The following CLDN16 variants were observed in gnomAD, a reference collection of about 807,000 sequenced individuals.
The protein encoded by CLDN16 is claudin-16.
A neutral mutation model predicts 24.6 loss-of-function variants in CLDN16; 13 were observed. The ratio of observed to expected loss-of-function variants is 0.53; its 90% CI spans 0.34 to 0.84. CLDN16 has a LOEUF of 0.84. CLDN16 is among the 40% of genes least tolerant of loss of function. The pLI, the probability that CLDN16 is intolerant of heterozygous loss-of-function variation, is 0.01. For missense variants in CLDN16, 298 were observed against 292.7 expected, an observed-to-expected ratio of 1.02 and a Z score of -0.13; for synonymous variants, 116 against 106.7, an observed-to-expected ratio of 1.09 and a Z score of -0.54.
intron 1 of CLDN16, among the ~76,000 whole-genome samples, chr3:190,395,094 T>C (rs190039695): frequency 2.0e-5 from 3 of 152,240 alleles, no homozygotes; most frequent in South Asian, 2.1e-4. Flanking sequence ...AATGCCATAC[T>C]TTTAAAAGGA....
At chr3:190,344,262 A>C (rs1717503861) in intron 1 of CLDN16, among the ~76,000 whole-genome samples, 1 of 152,118 alleles carries the variant, frequency 6.6e-6, no homozygotes, top group South Asian at 2.1e-4. Flanking sequence ...ACATCTCTGA[A>C]TAACTTCTTA....
the CLDN16 span, among the ~76,000 whole-genome samples, chr3:190,298,770 A>G: frequency 6.6e-6 from 1 of 152,148 alleles, no homozygotes; most frequent in East Asian, 1.9e-4. Flanking sequence ...GAAAATATTC[A>G]TTTTACATAT....
intron 3 of CLDN16, among the ~76,000 whole-genome samples, chr3:190,377,411 T>C (rs1718269061): frequency 1.3e-5 from 2 of 151,966 alleles, no homozygotes; most frequent in South Asian, 4.1e-4. Context: ...ATCATCCTTC[T>C]ATCATAAGAG....
chr3:190,389,174 C>T (rs1335301725), intron 1 of CLDN16, among the ~76,000 whole-genome samples: 2 of 152,048 alleles, frequency 1.3e-5, no homozygotes, highest in Non-Finnish European at 2.9e-5. Context: ...AAAACCATTA[C>T]CTGTGGCCAT....
Position 190,376,560 on chromosome 3 carries a change from A to G in CLDN16, n.306+1957A>G, listed in dbSNP as rs1043590148. Among the ~76,000 whole-genome samples, 12 of 152,042 alleles carry G rather than the reference A, an allele frequency of 7.9e-5. No individual in the cohort carries two copies. The East Asian group carries it at 2.1e-3, about 27-fold the overall frequency. On this transcript the variant is annotated intron_variant and non_coding_transcript_variant, in intron 3 of 4. Coordinates refer to the CLDN16 transcript ENST00000468220. ...TAATTTTAACCAAAAGAGTCTGAAA[A>G]AGTTACGGGAATATAAAGGGGTGTA...
chr3:190,363,370 G>T (rs1454984579), intron 1 of CLDN16, among the ~76,000 whole-genome samples: 1 of 150,684 alleles, frequency 6.6e-6, no homozygotes, highest in East Asian at 2.0e-4. Context: ...ACCTGTAAAT[G>T]CTTTACCACA....
chr3:190,382,486 G>C (rs1718390626), intron 3 of CLDN16, among the ~76,000 whole-genome samples: 1 of 152,018 alleles, frequency 6.6e-6, no homozygotes, highest in African/African-American at 2.4e-5. Context: ...CTCCACATTG[G>C]AGATGTCAAT....
intron 3 of CLDN16, among the ~76,000 whole-genome samples, chr3:190,380,127 T>TTCCTTCCTTCCTTCCTTCCTTC (rs1560091443): frequency 9.0e-5 from 1 of 11,120 alleles, no homozygotes; most frequent in Non-Finnish European, 1.8e-4. Flanking sequence ...TTCCTTCCTT[T>TTCCTTCCTTCCTTCCTTCCTTC]CTTCCTTCCT....
chr3:190,324,746 A>T (rs1717022754), intron 1 of CLDN16, among the ~76,000 whole-genome samples: 1 of 152,190 alleles, frequency 6.6e-6, no homozygotes, highest in African/African-American at 2.4e-5. Context: ...ACTGTGATTC[A>T]GGCCCATCTC....
chr3:190,295,526 A>G, the CLDN16 span, among the ~76,000 whole-genome samples: 1 of 152,116 alleles, frequency 6.6e-6, no homozygotes, highest in South Asian at 2.1e-4. Flanking sequence ...CAACCTACTT[A>G]ATTTCCTAGG....
intron 3 of CLDN16, among the ~76,000 whole-genome samples, chr3:190,407,029 T>C (rs973819125): frequency 6.6e-6 from 1 of 152,132 alleles, no homozygotes; most frequent in Non-Finnish European, 1.5e-5. Context: ...TGTGAGCCAA[T>C]GTGCCCGGCC....
intron 1 of CLDN16, among the ~76,000 whole-genome samples, chr3:190,368,900 A>T (rs534599026): frequency 6.6e-6 from 1 of 151,926 alleles, no homozygotes; most frequent in Non-Finnish European, 1.5e-5. Flanking sequence ...GTTGCTTGCT[A>T]CTAAAGGCCA....
chr3:190,398,355 T>G (rs1718872509), intron 1 of CLDN16, among the ~76,000 whole-genome samples: 1 of 152,226 alleles, frequency 6.6e-6, no homozygotes, highest in Non-Finnish European at 1.5e-5. Flanking sequence ...AAGAATCCGT[T>G]CTTAGCCTCT....
chr3:190,400,068 G>A (rs1016709166), intron 1 of CLDN16, among the ~76,000 whole-genome samples: 5 of 152,110 alleles, frequency 3.3e-5, no homozygotes, highest in South Asian at 2.1e-4. Flanking sequence ...TGTCTTGCAC[G>A]AAACCGGTCC....
chr3:190,336,518 T>C (rs1277436047), intron 1 of CLDN16, among the ~76,000 whole-genome samples: 1 of 152,216 alleles, frequency 6.6e-6, no homozygotes, highest in Non-Finnish European at 1.5e-5. Context: ...AATGAATGAT[T>C]TAGCAAGTGC....
intron 1 of CLDN16, among the ~76,000 whole-genome samples, chr3:190,357,224 G>C (rs1388148844): frequency 6.6e-6 from 1 of 151,838 alleles, no homozygotes. Context: ...CTGTAGATGA[G>C]CTTCTAAAAT....
Position 190,412,004 on chromosome 3 carries a change from A to G in CLDN16, c.*1968A>G, listed in dbSNP as rs1407710410. 1 of 152,116 alleles carries G rather than the reference A, an allele frequency of 6.6e-6. No homozygotes were observed. The highest frequency in any genetic ancestry group is 1.9e-4 in the East Asian group (1 of 5,192). The allele number at this position is 152,116 out of a possible 1,614,324, so 9.4% of individuals were successfully genotyped here. ...AAGGCAGGACAAAAATAATTAGTTA[A>G]TTAGATTTGAAAAATGTAATTTTTC... is the stretch of plus-strand genomic sequence containing the variant. On this transcript the variant is annotated 3_prime_UTR_variant, in exon 5 of 5. Coordinates refer to ENST00000264734, the MANE Select transcript of CLDN16 (RefSeq NM_006580.4).
chr3:190,392,598 T>C (rs913965517), intron 1 of CLDN16, among the ~76,000 whole-genome samples: 1 of 152,006 alleles, frequency 6.6e-6, no homozygotes, highest in Non-Finnish European at 1.5e-5. Flanking sequence ...CCTAAGCGAG[T>C]GGCTCACTTG....
chr3:190,324,770 T>A lies in CLDN16; in HGVS notation n.121+2109T>A, dbSNP rs189531236. Among the ~76,000 whole-genome samples, 69 of 152,314 alleles carry A rather than the reference T, an allele frequency of 4.5e-4. 1 individual carries two copies. In the East Asian group the frequency reaches 0.013, roughly 28 times the overall value. On this transcript the variant is annotated intron_variant and non_coding_transcript_variant, in intron 1 of 4. Transcript: ENST00000468220. The stretch of plus-strand genomic sequence containing the variant: ...CAGGCCCATCTCTAGGCATCCTTAA[T>A]CCTGTCTAGTTTTCTGCTCCTAGCT...
Sources: gnomAD v4.1 joint callset for allele counts (sites outside exome capture counted in the v4.1 genomes callset) on GRCh38, gnomAD v4.1.1 for gene constraint, MANE v1.5 for transcripts, NCBI Gene and HGNC (gene_info 2026-07-23, HGNC 2026-07-21) for gene names.